GHR: variants seen among roughly 807,000 people sequenced by gnomAD.
GHR encodes GH receptor.
GHR carries 35 observed loss-of-function variants against 67.1 expected under a neutral mutation model. The observed-to-expected ratio is 0.52, with a 90% CI of 0.40 to 0.69. The LOEUF is 0.69. GHR is among the 30% of genes least tolerant of loss of function. GHR has a pLI of 0.00. For synonymous variants in GHR, 272 were observed against 269.1 expected, an observed-to-expected ratio of 1.01 and a Z score of -0.10; for missense variants, 792 against 764.6, an observed-to-expected ratio of 1.04 and a Z score of -0.42.
chr5:42,560,494 TAC>T (rs1749546794), intron 1 of GHR, among the ~76,000 whole-genome samples: 1 of 152,186 alleles, frequency 6.6e-6, no homozygotes, highest in South Asian at 2.1e-4. Context: ...GCCTGGCCAA[TAC>T]ACTTTTAATA....
At chr5:42,623,481 C>G (rs1421805994) in intron 2 of GHR, among the ~76,000 whole-genome samples, 1 of 152,200 alleles carries the variant, frequency 6.6e-6, no homozygotes, top group Non-Finnish European at 1.5e-5. Context: ...CAACACATCA[C>G]AGCTCTTTAC....
intron 1 of GHR, among the ~76,000 whole-genome samples, chr5:42,448,585 T>TTAG (rs1383239533): frequency 7.5e-6 from 1 of 134,014 alleles, no homozygotes; most frequent in Non-Finnish European, 1.5e-5. Flanking sequence ...ATTATTATTA[T>TTAG]TATTATTATT....
At chr5:42,540,220 T>C (rs948546262) in intron 1 of GHR, among the ~76,000 whole-genome samples, 5 of 150,660 alleles carry the variant, frequency 3.3e-5, no homozygotes, top group Non-Finnish European at 7.4e-5. Context: ...TCTCTCTCTC[T>C]GTATCTCTCT....
intron 3 of GHR, among the ~76,000 whole-genome samples, chr5:42,681,965 C>CACA (rs1226999178): frequency 6.4e-4 from 94 of 147,556 alleles, no homozygotes; most frequent in African/African-American, 2.3e-3. Context: ...AAGACATATG[C>CACA]ACACGTACGT....
At chr5:42,443,386 G>A (rs1250290781) in intron 1 of GHR, among the ~76,000 whole-genome samples, 2 of 152,174 alleles carry the variant, frequency 1.3e-5, no homozygotes, top group Non-Finnish European at 2.9e-5. Context: ...TAAGTGGAGT[G>A]TTTATGAAAT....
chr5:42,447,054 A>AATTGGTTC (rs753469667), intron 1 of GHR, among the ~76,000 whole-genome samples: 2 of 152,128 alleles, frequency 1.3e-5, no homozygotes, highest in Non-Finnish European at 1.5e-5. Flanking sequence ...AACATAATGA[A>AATTGGTTC]ATTGGTTCTT....
At chr5:42,572,075 A>G (rs1750354567) in intron 2 of GHR, among the ~76,000 whole-genome samples, 1 of 151,854 alleles carries the variant, frequency 6.6e-6, no homozygotes, top group Non-Finnish European at 1.5e-5. Flanking sequence ...AAACCATCTC[A>G]TGAAGAATTT....
Position 42,688,931 on chromosome 5 carries a change from G to C in GHR, c.178G>C (p.Glu60Gln), listed in dbSNP as rs760360403. ...EPKFTKCRSP[E>Q]RETFSCHWTD... Reference sequence around the variant, plus strand: ...TAAATTCACCAAGTGCCGTTCACCTGAGCGAGAGACTTTTTCATGCCACTG... The same window carrying C: ...TAAATTCACCAAGTGCCGTTCACCTCAGCGAGAGACTTTTTCATGCCACTG... The change falls in exon 4 of 10, where the codon GAG becomes CAG. Residue 60 changes from glutamate (E) to glutamine (Q), a missense_variant. Transcript: ENST00000230882. 3 of 1,613,444 alleles carry C rather than the reference G, an allele frequency of 1.9e-6. No homozygotes were observed. The highest frequency in any genetic ancestry group is 2.5e-6 in the Non-Finnish European group (3 of 1,179,544).
In GHR at chr5:42,579,120, TA is replaced by T. The variant is rs60993313; in HGVS notation, c.70+13177del. On this transcript the variant is annotated intron_variant, in intron 2 of 9. Coordinates refer to ENST00000230882, the MANE Select transcript of GHR (RefSeq NM_000163.5). ...ATAGATAGATAGATAGATAGATAGA[TA>T]GATAGATAGATAGATAGATGATAGA... Among the ~76,000 whole-genome samples the T allele has an allele frequency of 7.9e-3, 671 of 85,458 alleles. 2 individuals are homozygous for T. The highest frequency in any genetic ancestry group is 0.013 in the African/African-American group (284 of 21,950). 56.1% of individuals were successfully genotyped at this position (85,458 alleles called of 152,430 possible).
At chr5:42,660,387 C>T (rs1183114913) in intron 3 of GHR, among the ~76,000 whole-genome samples, 4 of 152,302 alleles carry the variant, frequency 2.6e-5, no homozygotes, top group South Asian at 2.1e-4. Flanking sequence ...ACACCTCACA[C>T]GGCCAGGTAC....
chr5:42,601,868 G>A (rs1450940028), intron 2 of GHR, among the ~76,000 whole-genome samples: 2 of 151,870 alleles, frequency 1.3e-5, no homozygotes, highest in Non-Finnish European at 2.9e-5. Flanking sequence ...TGTATCAAGG[G>A]TTGTTTATTA....
At chr5:42,579,151 T>TAGATAG (rs1344860776) in intron 2 of GHR, among the ~76,000 whole-genome samples, 31 of 88,274 alleles carry the variant, frequency 3.5e-4, no homozygotes, top group East Asian at 2.2e-3. Flanking sequence ...GATAGATAGA[T>TAGATAG]ATAGATAGAT....
chr5:42,508,604 T>G (rs889214177), intron 1 of GHR, among the ~76,000 whole-genome samples: 1 of 152,210 alleles, frequency 6.6e-6, no homozygotes, highest in African/African-American at 2.4e-5. Flanking sequence ...GACGGAGTCT[T>G]GCTCTGTCGC....
At chr5:42,474,214 A>C (rs1168678359) in intron 1 of GHR, among the ~76,000 whole-genome samples, 3 of 150,992 alleles carry the variant, frequency 2.0e-5, no homozygotes, top group African/African-American at 7.3e-5. Context: ...GATGAAAGAG[A>C]GAGAGAGAGA....
At chr5:42,667,458 C>T (rs1193551435) in intron 3 of GHR, among the ~76,000 whole-genome samples, 2 of 152,166 alleles carry the variant, frequency 1.3e-5, no homozygotes, top group East Asian at 3.9e-4. Context: ...CATAGAAGCT[C>T]ATTGTTCTAA....
chr5:42,555,288 C>A (rs1419632843), intron 1 of GHR, among the ~76,000 whole-genome samples: 1 of 152,192 alleles, frequency 6.6e-6, no homozygotes, highest in Non-Finnish European at 1.5e-5. Flanking sequence ...CAATGTAATA[C>A]AGCCCTTGAA....
chr5:42,677,308 C>A (rs1756618676), intron 3 of GHR, among the ~76,000 whole-genome samples: 1 of 152,158 alleles, frequency 6.6e-6, no homozygotes, highest in Non-Finnish European at 1.5e-5. Context: ...TATCAAGTAG[C>A]ATCCTGAATC....
At chr5:42,461,131 T>C (rs939352159) in intron 1 of GHR, among the ~76,000 whole-genome samples, 4 of 152,302 alleles carry the variant, frequency 2.6e-5, no homozygotes, top group Admixed American at 2.0e-4. Flanking sequence ...ATAAGAGCAG[T>C]TCTACTGAGT....
intron 7 of GHR, among the ~76,000 whole-genome samples, chr5:42,711,929 A>G (rs1289938603): frequency 1.3e-5 from 2 of 152,152 alleles, no homozygotes; most frequent in Non-Finnish European, 2.9e-5. Context: ...GAGACGTGGA[A>G]CATTTGAAAA....
Sources: allele counts gnomAD v4.1 joint callset (sites outside exome capture counted in the v4.1 genomes callset), GRCh38; gene constraint gnomAD v4.1.1; transcripts MANE v1.5; gene names NCBI Gene and HGNC (gene_info 2026-07-23, HGNC 2026-07-21).